CYP7B1: variants seen among roughly 807,000 people sequenced by gnomAD.
CYP7B1 encodes cytochrome P450 family 7 subfamily B member 1, also known as cytochrome P450 7B1.
Under a neutral mutation model 42.7 loss-of-function variants are expected in CYP7B1, and 29 were observed. That is an observed-to-expected ratio of 0.68 (90% CI 0.51 to 0.93). The LOEUF (loss-of-function observed/expected upper bound fraction) is 0.93. Ranked by LOEUF, CYP7B1 falls within the 40% of genes least tolerant of loss-of-function variation. CYP7B1 has a pLI of 0.00. For synonymous variants in CYP7B1, 235 were observed against 218.2 expected (o/e 1.08, Z -0.68); for missense variants, 655 against 600.5 (o/e 1.09, Z -0.95).
intron 1 of CYP7B1, among the ~76,000 whole-genome samples, chr8:64,643,939 A>G (rs1805906826): frequency 6.6e-6 from 1 of 152,122 alleles, no homozygotes; most frequent in South Asian, 2.1e-4. Flanking sequence ...CCACATCTGC[A>G]GTTACTTTCT....
At position 64,676,837 on chromosome 8, in the gene CYP7B1, G is replaced by GA. The variant is rs937167430; in HGVS notation, c.123-52299dup. Among the ~76,000 whole-genome samples the GA allele has an allele frequency of 2.2e-4, 34 of 152,006 alleles. 1 individual carries two copies. Among genetic ancestry groups the GA allele is most frequent in the African/African-American group, 8.2e-4 (34 of 41,408 alleles). Reference sequence around the variant, plus strand: ...AGCTTTCAATTTAAATATGCTAGCAGAAATTCCTATTAATTCCATTCCAAG... The same window carrying GA: ...AGCTTTCAATTTAAATATGCTAGCAGAAAATTCCTATTAATTCCATTCCAAG... On this transcript the variant is annotated intron_variant, in intron 1 of 5. Transcript: ENST00000310193.
At chr8:64,606,288 G>T (rs998119509) in intron 4 of CYP7B1, among the ~76,000 whole-genome samples, 1 of 152,224 alleles carries the variant, frequency 6.6e-6, no homozygotes, top group African/African-American at 2.4e-5. Context: ...CACCTGACAC[G>T]ATGGATTTCA....
At chr8:64,742,723 C>T (rs527439072) in intron 1 of CYP7B1, among the ~76,000 whole-genome samples, 17 of 152,226 alleles carry the variant, frequency 1.1e-4, no homozygotes, top group Middle Eastern at 3.4e-3. Context: ...ACCTTTCCTC[C>T]AGAGGCACAC....
intron 1 of CYP7B1, among the ~76,000 whole-genome samples, chr8:64,749,712 C>T (rs889904068): frequency 6.6e-6 from 1 of 152,070 alleles, no homozygotes; most frequent in African/African-American, 2.4e-5. Flanking sequence ...TCCCTGTATA[C>T]GAGTTTGTTT....
intron 2 of CYP7B1, among the ~76,000 whole-genome samples, chr8:64,621,828 C>T (rs555939812): frequency 4.0e-5 from 6 of 151,462 alleles, no homozygotes; most frequent in Non-Finnish European, 5.9e-5. Flanking sequence ...CTCCGCCTCC[C>T]GGGTTCAAGC....
intron 1 of CYP7B1, among the ~76,000 whole-genome samples, chr8:64,677,088 A>G (rs1806457264): frequency 6.6e-6 from 1 of 152,124 alleles, no homozygotes. Flanking sequence ...TAGACAAAAT[A>G]TATTTACACG....
At chr8:64,792,233 T>A (rs912918213) in intron 1 of CYP7B1, among the ~76,000 whole-genome samples, 7 of 152,112 alleles carry the variant, frequency 4.6e-5, no homozygotes, top group African/African-American at 1.4e-4. Flanking sequence ...TAGCTTAAAT[T>A]TTTTTCTCAC....
rs546301351 is a variant in CYP7B1, at chr8:64,630,741, T to A, written c.123-6202A>T. 1.2e-3 allele frequency among the ~76,000 whole-genome samples: 187 copies of A among 152,314 alleles called. 2 individuals carry two copies. In the Middle Eastern group the frequency reaches 0.02, roughly 17 times the overall value. The stretch of plus-strand genomic sequence containing the variant: ...CTATGCAAAGAGCTTTCTCAGAAAA[T>A]GAACTATCTTTGTTTAGAAGCAAAG... On this transcript the variant is annotated intron_variant, in intron 1 of 5. Coordinates refer to ENST00000310193, the MANE Select transcript of CYP7B1 (RefSeq NM_004820.5).
At chr8:64,779,499 G>A (rs1007186595) in intron 1 of CYP7B1, among the ~76,000 whole-genome samples, 1 of 152,088 alleles carries the variant, frequency 6.6e-6, no homozygotes, top group African/African-American at 2.4e-5. Flanking sequence ...GTGCTAAAGT[G>A]ACATCTACTT....
intron 1 of CYP7B1, among the ~76,000 whole-genome samples, chr8:64,747,281 A>G (rs1302871115): frequency 6.7e-6 from 1 of 148,298 alleles, no homozygotes; most frequent in African/African-American, 2.4e-5. Context: ...GTATATTTGA[A>G]TATAATATTA....
At chr8:64,650,142 A>G (rs1806016054) in intron 1 of CYP7B1, among the ~76,000 whole-genome samples, 1 of 152,194 alleles carries the variant, frequency 6.6e-6, no homozygotes, top group Admixed American at 6.5e-5. Context: ...TTAATTTCAA[A>G]ACAAACAATG....
chr8:64,735,395 T>A (rs1238864390), intron 1 of CYP7B1, among the ~76,000 whole-genome samples: 1 of 152,166 alleles, frequency 6.6e-6, no homozygotes, highest in Non-Finnish European at 1.5e-5. Context: ...GTGTCTCCAC[T>A]CTCTGTACCA....
intron 1 of CYP7B1, among the ~76,000 whole-genome samples, chr8:64,739,600 T>A (rs1807539754): frequency 6.6e-6 from 1 of 152,224 alleles, no homozygotes; most frequent in South Asian, 2.1e-4. Flanking sequence ...GTAACAGATG[T>A]ATCATTAGAA....
At chr8:64,730,449 G>T (rs2129633061) in intron 1 of CYP7B1, among the ~76,000 whole-genome samples, 1 of 152,126 alleles carries the variant, frequency 6.6e-6, no homozygotes, top group East Asian at 1.9e-4. Context: ...AGACAAGAAG[G>T]CAACAAAGGT....
chr8:64,770,126 C>T (rs1430412941), intron 1 of CYP7B1, among the ~76,000 whole-genome samples: 2 of 152,096 alleles, frequency 1.3e-5, no homozygotes, highest in African/African-American at 4.8e-5. Flanking sequence ...TGTCATCAAG[C>T]CCATTTATGT....
At chr8:64,739,403 G>A (rs1042734926) in intron 1 of CYP7B1, among the ~76,000 whole-genome samples, 1 of 152,198 alleles carries the variant, frequency 6.6e-6, no homozygotes, top group African/African-American at 2.4e-5. Context: ...AAGGACAAAA[G>A]TGGAGACAAA....
At chr8:64,683,685 T>C (rs1218492222) in intron 1 of CYP7B1, among the ~76,000 whole-genome samples, 1 of 152,248 alleles carries the variant, frequency 6.6e-6, no homozygotes, top group Non-Finnish European at 1.5e-5. Context: ...AAACATTGCG[T>C]GTCTGCATCA....
intron 1 of CYP7B1, among the ~76,000 whole-genome samples, chr8:64,631,062 C>A (rs1805688313): frequency 6.6e-6 from 1 of 152,148 alleles, no homozygotes; most frequent in Admixed American, 6.5e-5. Context: ...GCAGAGGGAG[C>A]ATGTCCTAAC....
At chr8:64,746,437 A>G (rs1807644467) in intron 1 of CYP7B1, among the ~76,000 whole-genome samples, 1 of 152,194 alleles carries the variant, frequency 6.6e-6, no homozygotes, top group African/African-American at 2.4e-5. Context: ...TCACTCATTT[A>G]CAGAATATAT....
Sources: gnomAD v4.1 joint callset for allele counts (sites outside exome capture counted in the v4.1 genomes callset) on GRCh38, gnomAD v4.1.1 for gene constraint, MANE v1.5 for transcripts, NCBI Gene and HGNC (gene_info 2026-07-23, HGNC 2026-07-21) for gene names.